Variants in PREX2 observed in about 807,000 individuals in gnomAD.
The protein encoded by PREX2 is phosphatidylinositol-3,4,5-trisphosphate dependent Rac exchange factor 2.
A neutral mutation model predicts 203.2 loss-of-function variants in PREX2; 107 were observed. The ratio of observed to expected loss-of-function variants is 0.53; its 90% confidence interval spans 0.45 to 0.62. The LOEUF (loss-of-function observed/expected upper bound fraction) is 0.62. Ranked by LOEUF, PREX2 falls within the 20% of genes least tolerant of loss-of-function variation. The probability of loss-of-function intolerance (pLI) is 0.00; values close to 1 mark genes in which losing one functional copy is unlikely to be tolerated. For synonymous variants in PREX2, 672 were observed against 663.6 expected (o/e 1.01, Z -0.19); for missense variants, 1,777 against 1,955.9 (o/e 0.91, Z 1.72).
chr8:68,034,343 A>G (rs1242562364), intron 6 of PREX2, among the ~76,000 whole-genome samples: 1 of 152,170 alleles, frequency 6.6e-6, no homozygotes, highest in African/African-American at 2.4e-5. Flanking sequence ...GATTCATTTC[A>G]TAGAACAGGA....
chr8:68,041,788 T>C lies in PREX2; in HGVS notation c.840-2699T>C, dbSNP rs192248972. 3.9e-3 allele frequency among the ~76,000 whole-genome samples: 587 copies of C among 152,184 alleles called. 4 individuals carry two copies. Among genetic ancestry groups the C allele is most frequent in the Non-Finnish European group, 4.3e-3 (294 of 67,962 alleles). On this transcript the variant is annotated intron_variant, in intron 7 of 39. Coordinates refer to ENST00000288368, the MANE Select transcript of PREX2 (RefSeq NM_024870.4). ...AAGGTCCCCATTTGAGAATGAAATC[T>C]TTTTTCATTAAAATTGATCCCATCT...
At chr8:68,106,168 G>A (rs1407762225) in intron 23 of PREX2, 2 of 354,154 alleles carry the variant, frequency 5.6e-6, no homozygotes, top group South Asian at 2.2e-5. Context: ...GGCAAGAGAA[G>A]CATAACTTCC....
At chr8:68,118,668 T>TG (rs546882440) in intron 27 of PREX2, 24 bp downstream of exon 27, 14 of 1,522,818 alleles carry the variant, frequency 9.2e-6, no homozygotes, top group African/African-American at 1.4e-5. Context: ...TGAAGGCCTG[T>TG]GGGCTTTTTG....
chr8:68,207,540 A>G (rs1344854572), intron 37 of PREX2, among the ~76,000 whole-genome samples: 1 of 152,058 alleles, frequency 6.6e-6, no homozygotes, highest in Non-Finnish European at 1.5e-5. Flanking sequence ...GAAAAGCTAC[A>G]GTCAATATAG....
chr8:68,068,155 A>G (rs1285114393), intron 11 of PREX2, among the ~76,000 whole-genome samples: 2 of 152,020 alleles, frequency 1.3e-5, no homozygotes, highest in African/African-American at 2.4e-5. Flanking sequence ...TTCATCAGTG[A>G]TATTGGTCTG....
intron 1 of PREX2, among the ~76,000 whole-genome samples, chr8:67,996,628 A>C (rs1806774406): frequency 6.6e-6 from 1 of 152,140 alleles, no homozygotes; most frequent in Non-Finnish European, 1.5e-5. Flanking sequence ...GATGGGGACA[A>C]AAGTCTTCAA....
chr8:68,197,747 ATATATATATGCTATAT>A (rs1022099797), intron 37 of PREX2, among the ~76,000 whole-genome samples: 42 of 148,224 alleles, frequency 2.8e-4, no homozygotes, highest in Admixed American at 1.3e-3. Flanking sequence ...TATATATGCT[ATATATATATGCTATAT>A]TATATATATG....
chr8:68,068,986 C>A, intron 11 of PREX2, 47 bp from the exon 12 acceptor site: 1 of 727,340 alleles, frequency 1.4e-6, no homozygotes, highest in Non-Finnish European at 2.2e-6. Flanking sequence ...TTTATCTGCC[C>A]CCTTTTAGAG....
At chr8:68,175,852 A>G (rs181498141) in intron 35 of PREX2, among the ~76,000 whole-genome samples, 2 of 152,106 alleles carry the variant, frequency 1.3e-5, no homozygotes, top group East Asian at 3.9e-4. Flanking sequence ...TTAACTGTAT[A>G]ATGATAAATA....
chr8:68,059,346 C>G (rs1425735647), intron 10 of PREX2, among the ~76,000 whole-genome samples: 1 of 151,804 alleles, frequency 6.6e-6, no homozygotes, highest in Non-Finnish European at 1.5e-5. Context: ...TACAAAACAT[C>G]ATCCTTATTA....
At chr8:68,084,454 T>C (rs34006450) in intron 18 of PREX2, among the ~76,000 whole-genome samples, 33,047 of 152,078 alleles carry the variant, frequency 0.22, 3,876 homozygotes, top group African/African-American at 0.31. Context: ...ATGTTATATA[T>C]ATTCAGGAAT....
chr8:68,121,079 G>T, intron 30 of PREX2, 30 bp downstream of exon 30: 3 of 1,608,192 alleles, frequency 1.9e-6, no homozygotes, highest in Non-Finnish European at 2.5e-6. Context: ...AACATTGCAT[G>T]ATATTAGCAA....
At chr8:68,008,470 C>T (rs373541957) in intron 1 of PREX2, among the ~76,000 whole-genome samples, 4 of 151,926 alleles carry the variant, frequency 2.6e-5, no homozygotes, top group African/African-American at 9.7e-5. Flanking sequence ...TCAGAAAGGG[C>T]CATAGGATAC....
rs900526422 is a variant in PREX2 at position 67,979,777 on chromosome 8, T to A, written c.141+27242T>A. 9.9e-5 allele frequency among the ~76,000 whole-genome samples: 15 copies of A among 152,244 alleles called. No individual in the cohort carries two copies. The East Asian group carries it at 1.7e-3, about 18-fold the overall frequency. ...ACTTCTTTAGTTACTAGCATGCTTT[T>A]AAAAAAAATACTATGATGTCTTTTA... On this transcript the variant is annotated intron_variant, in intron 1 of 39. Coordinates refer to ENST00000288368, the MANE Select transcript of PREX2 (RefSeq NM_024870.4).
intron 23 of PREX2, chr8:68,100,109 AAGAT>A (rs769067555): frequency 4.3e-5 from 25 of 578,144 alleles, no homozygotes; most frequent in South Asian, 2.4e-4. Context: ...TTTCTAGTAA[AAGAT>A]AGAGCTGGGC....
rs1239883476 is a variant in PREX2, at chr8:68,234,862, T to A, written c.*3484T>A. 1 of 152,154 alleles carries A rather than the reference T, an allele frequency of 6.6e-6. No homozygotes were observed. The highest frequency in any genetic ancestry group is 1.9e-4 in the East Asian group (1 of 5,194). 9.4% of individuals were successfully genotyped at this position (152,154 alleles called of 1,614,324 possible). On this transcript the variant is annotated 3_prime_UTR_variant, in exon 40 of 40. Coordinates refer to ENST00000288368, the MANE Select transcript of PREX2 (RefSeq NM_024870.4). ...TATGACGTTGAAATGACATTGGTTC[T>A]GAGTCTATTAATTTAAATTTTGGGA... is the stretch of plus-strand genomic sequence containing the variant.
intron 37 of PREX2, among the ~76,000 whole-genome samples, chr8:68,216,828 C>A (rs1221385112): frequency 1.2e-4 from 18 of 152,056 alleles, no homozygotes; most frequent in Non-Finnish European, 2.9e-5. Context: ...TGGTGGCATG[C>A]ACCTGTAATC....
At chr8:68,186,996 C>T (rs763601429) in intron 35 of PREX2, among the ~76,000 whole-genome samples, 1 of 151,560 alleles carries the variant, frequency 6.6e-6, no homozygotes, top group Non-Finnish European at 1.5e-5. Context: ...TCAACATGAT[C>T]TAAACAGCTC....
intron 1 of PREX2, among the ~76,000 whole-genome samples, chr8:67,993,671 G>A (rs997867325): frequency 6.6e-5 from 10 of 152,162 alleles, no homozygotes; most frequent in African/African-American, 2.4e-4. Flanking sequence ...GCCTCCCAAA[G>A]TGCTGGGGTT....
Sources: gnomAD v4.1 joint callset for allele counts (sites outside exome capture counted in the v4.1 genomes callset) on GRCh38, gnomAD v4.1.1 for gene constraint, MANE v1.5 for transcripts, NCBI Gene and HGNC (gene_info 2026-07-23, HGNC 2026-07-21) for gene names.